ACSL4: variants seen among roughly 807,000 people sequenced by gnomAD.
ACSL4 encodes long-chain-fatty-acid--CoA ligase 4.
ACSL4 carries 9 observed loss-of-function variants against 49.1 expected under a neutral mutation model. That is an observed-to-expected ratio of 0.18 (90% CI 0.11 to 0.32). The LOEUF (loss-of-function observed/expected upper bound fraction) is 0.32. Among genes scored for constraint, ACSL4 ranks in the 10% least tolerant of loss-of-function variants. ACSL4 has a pLI of 1.00. For synonymous variants in ACSL4, 191 were observed against 170.3 expected (o/e 1.12, Z -0.95); for missense variants, 333 against 493.7 (o/e 0.67, Z 3.08).
At chrX:109,676,785 A>C (rs1373480804) in intron 8 of ACSL4, among the ~76,000 whole-genome samples, 1 of 111,777 alleles carries the variant, frequency 8.9e-6, no homozygotes, top group Non-Finnish European at 1.9e-5. Flanking sequence ...ATCCTAACTT[A>C]GTATGGTGAG....
chrX:109,718,768 A>G (rs1423063395), intron 1 of ACSL4, among the ~76,000 whole-genome samples: 3 of 108,159 alleles, frequency 2.8e-5, no homozygotes, highest in African/African-American at 6.6e-5. Flanking sequence ...AAAAAAAAAA[A>G]AAGAAAGAAA....
intron 9 of ACSL4, among the ~76,000 whole-genome samples, chrX:109,673,999 C>G (rs925524936): frequency 3.6e-5 from 4 of 111,608 alleles, no homozygotes; most frequent in African/African-American, 1.3e-4. Context: ...GTTGGGAGGG[C>G]TTAGATCCTT....
intron 1 of ACSL4, among the ~76,000 whole-genome samples, chrX:109,731,841 C>G (rs905960788): frequency 1.8e-5 from 2 of 112,094 alleles, no homozygotes; most frequent in Admixed American, 9.4e-5. Context: ...AAGGAAGAGG[C>G]CTTACACTGT....
intron 1 of ACSL4, among the ~76,000 whole-genome samples, chrX:109,717,035 G>A (rs1927168639): frequency 8.9e-6 from 1 of 111,939 alleles, no homozygotes; most frequent in Non-Finnish European, 1.9e-5. Flanking sequence ...TGAAGCATCT[G>A]CAACCAATAT....
intron 12 of ACSL4, among the ~76,000 whole-genome samples, chrX:109,663,904 T>TGGCC (rs889992708): frequency 2.7e-5 from 3 of 111,332 alleles, no homozygotes; most frequent in Admixed American, 9.6e-5. Flanking sequence ...ATTTTGCCTG[T>TGGCC]GGCCAGTCAT....
In ACSL4 at chrX:109,643,954, A is replaced by G; in HGVS notation, c.*75T>C. The stretch of plus-strand genomic sequence containing the variant: ...ATATACCTTACATTCTAACAGTTCA[A>G]CAAAGGCTTAAAATTCTAGAGGTTG... On this transcript the variant is annotated 3_prime_UTR_variant, in exon 16 of 16. Transcript: ENST00000672401. The G allele has an allele frequency of 9.0e-7, 1 of 1,108,267 alleles. No individual in the cohort carries two copies. The allele number at this position is 1,108,267 out of a possible 1,213,427, so 91.3% of individuals were successfully genotyped here. A position where few individuals can be genotyped will look rare whatever the true frequency, so the allele number is the denominator to read the frequency against.
rs1934468529 is a variant in ACSL4 at position 109,642,332 on chromosome X, G to C, written c.*1697C>G. ...AATAATGGTATTTCACTCTTCAAAGGCAAGTTGGGAAGAATGAGAATACTC... is the reference window on the plus strand; with the variant it reads ...AATAATGGTATTTCACTCTTCAAAGCCAAGTTGGGAAGAATGAGAATACTC... On this transcript the variant is annotated 3_prime_UTR_variant, in exon 16 of 16. Transcript: ENST00000672401. 9.0e-6 allele frequency: 1 copy of C among 111,425 alleles called. No homozygotes were observed. The highest frequency in any genetic ancestry group is 9.6e-5 in the Admixed American group (1 of 10,387). The allele number at this position is 111,425 out of a possible 1,213,427, so 9.2% of individuals were successfully genotyped here. A position where few individuals can be genotyped will look rare whatever the true frequency, so the allele number is the denominator to read the frequency against.
At chrX:109,647,200 T>C (rs1428613759) in intron 15 of ACSL4, among the ~76,000 whole-genome samples, 8 of 111,007 alleles carry the variant, frequency 7.2e-5, no homozygotes, top group South Asian at 3.8e-4. Context: ...AACTCTCCAC[T>C]CCAAATCAAC....
At chrX:109,645,405 G>A (rs906368987) in intron 15 of ACSL4, among the ~76,000 whole-genome samples, 1 of 112,233 alleles carries the variant, frequency 8.9e-6, no homozygotes, top group African/African-American at 3.2e-5. Context: ...CCCCCCAGCA[G>A]GGGCAGACTG....
At chrX:109,650,106 G>T (rs1934951288) in intron 15 of ACSL4, among the ~76,000 whole-genome samples, 1 of 111,792 alleles carries the variant, frequency 8.9e-6, no homozygotes, top group Non-Finnish European at 1.9e-5. Flanking sequence ...AACCGTTGTG[G>T]AAGTCAGTGT....
chrX:109,678,402 T>A lies in ACSL4; in HGVS notation c.669A>T (p.Pro223=). 1 of 1,211,894 alleles carries A rather than the reference T, an allele frequency of 8.3e-7. No homozygotes were observed. The highest frequency in any genetic ancestry group is 1.1e-6 in the Non-Finnish European group (1 of 895,339). ...GSNPENLGIP[P]SRPTPSDMAI... ...CCATGTCTGAAGGCGTTGGTCTACT[T>A]GGAGGAATGCCCACTAAATGAATGA... The change falls in exon 7 of 16, where the codon CCA becomes CCT. Residue 223 remains proline, a synonymous_variant. Coordinates refer to ENST00000672401, the MANE Select transcript of ACSL4 (RefSeq NM_001318510.2).
At chrX:109,669,960 A>G (rs1923037952) in intron 9 of ACSL4, among the ~76,000 whole-genome samples, 1 of 111,780 alleles carries the variant, frequency 8.9e-6, no homozygotes. Context: ...ACGGAAGCAA[A>G]GAACACGATT....
intron 14 of ACSL4, among the ~76,000 whole-genome samples, chrX:109,660,998 A>G: frequency 9.0e-6 from 1 of 111,356 alleles, no homozygotes; most frequent in African/African-American, 3.3e-5. Flanking sequence ...AGGTCTGGAG[A>G]TTGGCTGCAC....
intron 1 of ACSL4, among the ~76,000 whole-genome samples, chrX:109,702,525 C>T (rs755158569): frequency 1.5e-4 from 17 of 112,096 alleles, no homozygotes; most frequent in African/African-American, 5.2e-4. Context: ...AAAAATTGCC[C>T]TCCAGGCCTA....
At chrX:109,708,007 C>A (rs900856219) in intron 1 of ACSL4, among the ~76,000 whole-genome samples, 1 of 111,577 alleles carries the variant, frequency 9.0e-6, no homozygotes, top group African/African-American at 3.3e-5. Flanking sequence ...TCCAGTGGTG[C>A]AATCTTGGCT....
At chrX:109,679,324 G>A (rs909423804) in intron 6 of ACSL4, among the ~76,000 whole-genome samples, 3 of 111,740 alleles carry the variant, frequency 2.7e-5, no homozygotes, top group Non-Finnish European at 5.6e-5. Context: ...TTTTCCTTCC[G>A]AGAATATACC....
At chrX:109,711,884 G>A (rs1926772397) in intron 1 of ACSL4, among the ~76,000 whole-genome samples, 1 of 111,365 alleles carries the variant, frequency 9.0e-6, no homozygotes, top group African/African-American at 3.3e-5. Flanking sequence ...TGTAATACCT[G>A]GGGCCTAGCA....
chrX:109,646,348 G>C (rs1402236452), intron 15 of ACSL4, among the ~76,000 whole-genome samples: 2 of 111,993 alleles, frequency 1.8e-5, no homozygotes, highest in Non-Finnish European at 3.8e-5. Flanking sequence ...CAAGCCAGAA[G>C]AGAGTGGGGG....
intron 2 of ACSL4, among the ~76,000 whole-genome samples, chrX:109,687,676 G>A (rs191850543): frequency 1.4e-3 from 155 of 111,909 alleles, no homozygotes; most frequent in Non-Finnish European, 1.8e-3. Flanking sequence ...GTATACCTAT[G>A]TAACAAACCT....
Sources: gnomAD v4.1 joint callset for allele counts (sites outside exome capture counted in the v4.1 genomes callset) on GRCh38, gnomAD v4.1.1 for gene constraint, MANE v1.5 for transcripts, NCBI Gene and HGNC (gene_info 2026-07-23, HGNC 2026-07-21) for gene names.